ADAMTS14: variants seen among roughly 807,000 people sequenced by gnomAD.
The protein encoded by ADAMTS14 is ADAM metallopeptidase with thrombospondin type 1 motif 14.
ADAMTS14 carries 100 observed loss-of-function variants against 128.6 expected under a neutral mutation model. The ratio of observed to expected loss-of-function variants is 0.78; its 90% CI spans 0.66 to 0.92. The LOEUF (loss-of-function observed/expected upper bound fraction) is 0.92, where lower values mean the gene tolerates loss of function less well. ADAMTS14 is among the 40% of genes least tolerant of loss of function. The pLI is 0.00. For synonymous variants in ADAMTS14, 665 were observed against 653.8 expected, an observed-to-expected ratio of 1.02 and a Z score of -0.26; for missense variants, 1,562 against 1,658.6, an observed-to-expected ratio of 0.94 and a Z score of 1.01.
intron 3 of ADAMTS14, among the ~76,000 whole-genome samples, chr10:70,706,186 G>A (rs1221300324): frequency 6.6e-6 from 1 of 152,192 alleles, no homozygotes; most frequent in African/African-American, 2.4e-5. Context: ...GATGCTGGCT[G>A]GTCCTCCCCA....
chr10:70,732,188 C>T (rs1424541318), intron 6 of ADAMTS14, 66 bp from the exon 7 acceptor site: 4 of 1,392,266 alleles, frequency 2.9e-6, no homozygotes, highest in Admixed American at 1.8e-5. Context: ...TGGGCACAGA[C>T]CTCAGTGTGT....
intron 9 of ADAMTS14, 71 bp from the exon 10 acceptor site, chr10:70,736,609 C>A: frequency 2.1e-6 from 3 of 1,443,408 alleles, no homozygotes; most frequent in Non-Finnish European, 2.9e-6. Flanking sequence ...CCTCTTTTCT[C>A]TCCATCACTA....
intron 4 of ADAMTS14, among the ~76,000 whole-genome samples, chr10:70,719,244 C>T (rs529457557): frequency 1.2e-3 from 185 of 152,180 alleles, no homozygotes; most frequent in Non-Finnish European, 2.2e-3. Context: ...ACCCACTGGG[C>T]AGAGAATGAT....
At chr10:70,688,626 G>T (rs1840066815) in intron 2 of ADAMTS14, among the ~76,000 whole-genome samples, 1 of 106,176 alleles carries the variant, frequency 9.4e-6, no homozygotes, top group Non-Finnish European at 2.1e-5. Flanking sequence ...GGCACCTCGG[G>T]AGGCCGAGGT....
chr10:70,688,846 AGGGGGAGGGGGAGG>A (rs1238983196), intron 2 of ADAMTS14, among the ~76,000 whole-genome samples: 10 of 5,186 alleles, frequency 1.9e-3, no homozygotes, highest in African/African-American at 8.0e-3. Context: ...GGGAGACCGG[AGGGGGAGGGGGAGG>A]GGGAGGGGGA....
Position 70,701,716 on chromosome 10 carries a change from T to C in ADAMTS14, c.523-596T>C, listed in dbSNP as rs138746887. 4.3e-3 allele frequency among the ~76,000 whole-genome samples: 648 copies of C among 152,310 alleles called. 6 individuals are homozygous for C. The highest frequency in any genetic ancestry group is 0.015 in the African/African-American group (613 of 41,558). On this transcript the variant is annotated intron_variant, in intron 2 of 21. Transcript: ENST00000373207. ...GGAATCATTAGATTAAAAACATGCA[T>C]TCCTGGCTCATTTATCGTGAATGAG...
At chr10:70,735,998 A>G (rs1841815527) in intron 9 of ADAMTS14, among the ~76,000 whole-genome samples, 1 of 152,184 alleles carries the variant, frequency 6.6e-6, no homozygotes, top group Non-Finnish European at 1.5e-5. Flanking sequence ...TGGAATGGGG[A>G]GCGCCCCCAA....
intron 4 of ADAMTS14, among the ~76,000 whole-genome samples, chr10:70,721,159 G>A (rs10999483): frequency 0.19 from 29,134 of 150,984 alleles, 3,404 homozygotes; most frequent in Non-Finnish European, 0.26. Flanking sequence ...TGAGGAGCTG[G>A]TATTACAGGT....
intron 2 of ADAMTS14, among the ~76,000 whole-genome samples, chr10:70,700,721 C>G (rs1210869996): frequency 6.6e-6 from 1 of 152,222 alleles, no homozygotes; most frequent in Non-Finnish European, 1.5e-5. Flanking sequence ...TCAGGACCCA[C>G]AGATGGCACC....
rs754064741 is a variant in ADAMTS14, at chr10:70,732,329, C to A, written c.1178C>A (p.Ala393Asp). 1.2e-6 allele frequency: 2 copies of A among 1,614,158 alleles called. No individual in the cohort carries two copies. Among genetic ancestry groups the A allele is most frequent in the East Asian group, 2.2e-5 (1 of 44,876 alleles). The change falls in exon 7 of 22, where the codon GCC becomes GAC. Residue 393 changes from alanine (A) to aspartate (D), a missense_variant. Ala to Asp is a moderately radical substitution (Grantham distance 126, BLOSUM62 -2). Coordinates refer to ENST00000373207, the MANE Select transcript of ADAMTS14 (RefSeq NM_080722.4). ...AACCATGAGGATGGCTTCTCCTCAG[C>A]CTTCGTGATAGCTCATGAGACCGGC... ...ALNHEDGFSS[A>D]FVIAHETGHV...
chr10:70,714,000 C>T (rs1840939890), intron 4 of ADAMTS14, among the ~76,000 whole-genome samples: 1 of 152,070 alleles, frequency 6.6e-6, no homozygotes, highest in Non-Finnish European at 1.5e-5. Context: ...TCAAGACAAG[C>T]CTGGGCATAG....
chr10:70,744,343 G>C (rs1842108623), intron 14 of ADAMTS14, among the ~76,000 whole-genome samples, 154 bp downstream of exon 14: 1 of 152,202 alleles, frequency 6.6e-6, no homozygotes, highest in Non-Finnish European at 1.5e-5. Flanking sequence ...GCCCAGGCTG[G>C]TGAGCCAGGT....
At chr10:70,679,532 T>C (rs1290672261) in intron 2 of ADAMTS14, among the ~76,000 whole-genome samples, 1 of 152,154 alleles carries the variant, frequency 6.6e-6, no homozygotes, top group Non-Finnish European at 1.5e-5. Context: ...GGGTCCCTGC[T>C]TCTCAGTGGG....
In ADAMTS14 at chr10:70,741,054, T is replaced by A. The variant is rs1259156801; in HGVS notation, c.1816T>A (p.Cys606Ser). 6.2e-7 allele frequency: 1 copy of A among 1,613,976 alleles called. No homozygotes were observed. Residue 606 changes from cysteine to serine, a missense_variant, in exon 12 of 22, where the codon TGC (cysteine) becomes AGC (serine). Physicochemically the swap from Cys to Ser is moderately radical, Grantham distance 112. Coordinates refer to ENST00000373207, the MANE Select transcript of ADAMTS14 (RefSeq NM_080722.4). ...FEYQVCNSEE[C>S]PGTYEDFRAQ... Reference sequence around the variant, plus strand: ...GTACCAGGTCTGCAACAGCGAGGAGTGCCCTGGGACCTACGAGGACTTCCG... The same window carrying A: ...GTACCAGGTCTGCAACAGCGAGGAGAGCCCTGGGACCTACGAGGACTTCCG...
Position 70,752,130 on chromosome 10 carries a change from C to T in ADAMTS14, c.2632C>T (p.Arg878Ter), listed in dbSNP as rs1391249343. 18 of 1,613,114 alleles carry T rather than the reference C, an allele frequency of 1.1e-5. No homozygotes were observed. Among genetic ancestry groups the T allele is most frequent in the Admixed American group, 3.3e-5 (2 of 60,000 alleles). The change falls in exon 18 of 22, where the codon CGA (arginine) becomes TGA (stop). Residue 878 changes from arginine (R) to a stop codon, truncating the protein, a stop_gained. Coordinates refer to ENST00000373207, the MANE Select transcript of ADAMTS14 (RefSeq NM_080722.4). LOFTEE classifies it high-confidence loss of function. Reference protein sequence around the residue: ...QFTKYGCRRRRDHHMVQRHLC... With the variant: ...QFTKYGCRRR ...CACCAAATACGGCTGCCGGCGCAGA[C>T]GAGACCACCACATGGTGCAGCGACA...
At position 70,761,830 on chromosome 10, in the gene ADAMTS14, C is replaced by T. The variant is rs1325714038; in HGVS notation, c.*977C>T. The T allele has an allele frequency of 1.3e-5, 2 of 152,286 alleles. No homozygotes were observed. The highest frequency in any genetic ancestry group is 2.9e-5 in the Non-Finnish European group (2 of 68,056). The allele number at this position is 152,286 out of a possible 1,614,324, so 9.4% of individuals were successfully genotyped here. On this transcript the variant is annotated 3_prime_UTR_variant, in exon 22 of 22. Transcript: ENST00000373207. Reference sequence around the variant, plus strand: ...GGACATCTTCATCTTCTACCTGGCTCAAGCTGGGCCAGAGTGTGTGGTTCT... The same window carrying T: ...GGACATCTTCATCTTCTACCTGGCTTAAGCTGGGCCAGAGTGTGTGGTTCT...
In ADAMTS14 at chr10:70,688,161, G is replaced by A. The variant is rs1489112777; in HGVS notation, c.522+13166G>A. 5.9e-5 allele frequency among the ~76,000 whole-genome samples: 3 copies of A among 50,964 alleles called. 1 individual carries two copies. Among genetic ancestry groups the A allele is most frequent in the African/African-American group, 1.5e-4 (2 of 13,680 alleles). The allele number at this position is 50,964 out of a possible 152,430, so 33.4% of individuals were successfully genotyped here. A position where few individuals can be genotyped will look rare whatever the true frequency, so the allele number is the denominator to read the frequency against. ...TCCTCACTTCTCAGATGGGGCGGCC[G>A]GGCAGAGACGCTCCTCACCTCCCAG... is the stretch of plus-strand genomic sequence containing the variant. On this transcript the variant is annotated intron_variant, in intron 2 of 21. Coordinates refer to ENST00000373207, the MANE Select transcript of ADAMTS14 (RefSeq NM_080722.4).
At chr10:70,732,178 T>G in intron 6 of ADAMTS14, 76 bp from the exon 7 acceptor site, 1 of 1,273,606 alleles carries the variant, frequency 7.9e-7, no homozygotes, top group Non-Finnish European at 1.1e-6. Flanking sequence ...AGGGCTGGGC[T>G]GGGCACAGAC....
chr10:70,726,822 G>A (rs868445923), intron 4 of ADAMTS14, among the ~76,000 whole-genome samples: 9 of 152,228 alleles, frequency 5.9e-5, no homozygotes, highest in South Asian at 4.1e-4. Flanking sequence ...AGTCTAGGGT[G>A]TGTGGATTGA....
Sources: allele counts gnomAD v4.1 joint callset (sites outside exome capture counted in the v4.1 genomes callset), GRCh38; gene constraint gnomAD v4.1.1; transcripts MANE v1.5; gene names NCBI Gene and HGNC (gene_info 2026-07-23, HGNC 2026-07-21).